Variants in LRMDA observed in about 807,000 individuals in gnomAD.
LRMDA encodes the protein leucine-rich melanocyte differentiation-associated protein.
LRMDA carries 18 observed loss-of-function variants against 29.8 expected under a neutral mutation model. That is an observed-to-expected ratio of 0.60 (90% CI 0.42 to 0.90). LRMDA has a LOEUF of 0.90. Among genes scored for constraint, LRMDA ranks in the 40% least tolerant of loss-of-function variants. The pLI, the probability that LRMDA is intolerant of heterozygous loss-of-function variation, is 0.00. For synonymous variants in LRMDA, 125 were observed against 109.4 expected (o/e 1.14, Z -0.89); for missense variants, 273 against 273.9 (o/e 1.00, Z 0.02).
chr10:76,551,179 G>T (rs1843489933), intron 6 of LRMDA, among the ~76,000 whole-genome samples: 1 of 152,166 alleles, frequency 6.6e-6, no homozygotes, highest in Admixed American at 6.5e-5. Flanking sequence ...TAGATGTTGT[G>T]ATTGCTTTGT....
chr10:75,866,733 C>T (rs977724723), intron 2 of LRMDA, among the ~76,000 whole-genome samples: 3 of 152,152 alleles, frequency 2.0e-5, no homozygotes, highest in Non-Finnish European at 4.4e-5. Context: ...CAAAGCACTG[C>T]TGAACATTAA....
At chr10:75,531,980 AGGCTGT>A (rs2132043499) in intron 2 of LRMDA, among the ~76,000 whole-genome samples, 1 of 144,544 alleles carries the variant, frequency 6.9e-6, no homozygotes, top group Admixed American at 7.1e-5. Context: ...CAGGAATTTG[AGGCTGT>A]GGTAAGCTGA....
At chr10:75,755,957 A>T (rs1315921125) in intron 2 of LRMDA, among the ~76,000 whole-genome samples, 1 of 152,260 alleles carries the variant, frequency 6.6e-6, no homozygotes, top group Non-Finnish European at 1.5e-5. Flanking sequence ...TCTGGCTGGC[A>T]TGTGGAGAAT....
intron 6 of LRMDA, among the ~76,000 whole-genome samples, chr10:76,378,858 C>CTTTTTTTTTTTTTTTTTTTTTTTTCT: frequency 8.4e-6 from 1 of 118,966 alleles, no homozygotes; most frequent in Non-Finnish European, 1.6e-5. Context: ...CTTTTTTTTT[C>CTTTTTTTTTTTTTTTTTTTTTTTTCT]TTTTTTTTTT....
intron 6 of LRMDA, among the ~76,000 whole-genome samples, chr10:76,417,461 T>A (rs1035195229): frequency 1.8e-4 from 27 of 151,746 alleles, no homozygotes; most frequent in African/African-American, 6.5e-4. Flanking sequence ...TCATGAGCTG[T>A]CACCACCCAG....
At chr10:75,841,138 A>G (rs766596430) in intron 2 of LRMDA, among the ~76,000 whole-genome samples, 5 of 152,184 alleles carry the variant, frequency 3.3e-5, no homozygotes, top group Non-Finnish European at 7.3e-5. Flanking sequence ...TATTTTAGCT[A>G]ACATTGAGCC....
rs1845954412 is a variant in LRMDA, at chr10:75,917,530, T to C, written c.132-118478T>C. Among the ~76,000 whole-genome samples the C allele has an allele frequency of 2.0e-5, 3 of 152,320 alleles. No individual in the cohort carries two copies. The South Asian group carries it at 6.2e-4, about 32-fold the overall frequency. ...GAGCCGTTCTCTGGTATAAGAGGGA[T>C]GTTAGTGTGGTCAGAACAAGGCTAA... On this transcript the variant is annotated intron_variant, in intron 2 of 6. Transcript: ENST00000611255.
At chr10:75,943,844 A>G (rs964105121) in intron 2 of LRMDA, among the ~76,000 whole-genome samples, 5 of 152,184 alleles carry the variant, frequency 3.3e-5, no homozygotes, top group Non-Finnish European at 7.4e-5. Flanking sequence ...AGGACCTGCT[A>G]TATGCTCATG....
intron 5 of LRMDA, among the ~76,000 whole-genome samples, chr10:76,188,364 A>T (rs536647980): frequency 6.6e-6 from 1 of 152,338 alleles, no homozygotes; most frequent in East Asian, 1.9e-4. Flanking sequence ...CTCAGTGAGG[A>T]CTGGCCAGAC....
chr10:75,616,237 CAGTAGCAGCAGT>C (rs1316931589), intron 2 of LRMDA, among the ~76,000 whole-genome samples: 20 of 144,880 alleles, frequency 1.4e-4, no homozygotes, highest in Admixed American at 6.7e-4. Flanking sequence ...GTAATAGTAG[CAGTAGCAGCAGT>C]AGCAGCAGCA....
intron 2 of LRMDA, among the ~76,000 whole-genome samples, chr10:76,035,032 CCCATAAA>C (rs1435184900): frequency 6.6e-6 from 1 of 152,102 alleles, no homozygotes; most frequent in East Asian, 1.9e-4. Context: ...CTCATGAGAG[CCCATAAA>C]ATTAAGAGTT....
chr10:76,014,118 ATATATAAT>A (rs1477372269), intron 2 of LRMDA, among the ~76,000 whole-genome samples: 1 of 133,520 alleles, frequency 7.5e-6, no homozygotes, highest in East Asian at 2.2e-4. Context: ...ATATATATAT[ATATATAAT>A]TATATATATA....
At chr10:75,900,853 G>A (rs1845658488) in intron 2 of LRMDA, among the ~76,000 whole-genome samples, 1 of 152,078 alleles carries the variant, frequency 6.6e-6, no homozygotes, top group Non-Finnish European at 1.5e-5. Context: ...GGATCATAAA[G>A]TCTTACTGCA....
At chr10:76,470,641 A>G (rs1564550535) in intron 6 of LRMDA, among the ~76,000 whole-genome samples, 1 of 152,096 alleles carries the variant, frequency 6.6e-6, no homozygotes, top group Non-Finnish European at 1.5e-5. Flanking sequence ...GCTAGACTCA[A>G]AAGGATAAAT....
At chr10:75,830,272 A>G (rs1844317291) in intron 2 of LRMDA, among the ~76,000 whole-genome samples, 1 of 152,122 alleles carries the variant, frequency 6.6e-6, no homozygotes, top group South Asian at 2.1e-4. Context: ...ACTTGACCCT[A>G]CATCTCCTGC....
chr10:75,974,484 G>T (rs60552883), intron 2 of LRMDA, among the ~76,000 whole-genome samples: 2,510 of 152,214 alleles, frequency 0.016, 80 homozygotes, highest in African/African-American at 0.057. Context: ...GTAAAATGAG[G>T]ATAGCAGCAC....
chr10:75,705,557 TCATTAGAAGTGGG>T (rs1187596196), intron 2 of LRMDA, among the ~76,000 whole-genome samples: 1 of 152,200 alleles, frequency 6.6e-6, no homozygotes, highest in Non-Finnish European at 1.5e-5. Context: ...TGGAGTTTTC[TCATTAGAAGTGGG>T]AGAGTTACCT....
chr10:75,896,016 G>C (rs76710404), intron 2 of LRMDA, among the ~76,000 whole-genome samples: 2,466 of 152,228 alleles, frequency 0.016, 74 homozygotes, highest in African/African-American at 0.056. Flanking sequence ...GTATATTGAG[G>C]ATAATAGAAG....
chr10:76,138,787 A>G (rs947271867), intron 5 of LRMDA, among the ~76,000 whole-genome samples: 3 of 152,144 alleles, frequency 2.0e-5, no homozygotes, highest in South Asian at 2.1e-4. Context: ...TTAAGAATTT[A>G]TGTAAGTATG....
Sources: gnomAD v4.1 joint callset for allele counts (sites outside exome capture counted in the v4.1 genomes callset) on GRCh38, gnomAD v4.1.1 for gene constraint, MANE v1.5 for transcripts, NCBI Gene and HGNC (gene_info 2026-07-23, HGNC 2026-07-21) for gene names.